Variants in CAMKMT observed in about 807,000 individuals in gnomAD.
CAMKMT encodes CaM KMT.
A neutral mutation model predicts 48.0 loss-of-function variants in CAMKMT; 53 were observed. The observed-to-expected ratio is 1.10, with a 90% CI of 0.89 to 1.39. CAMKMT has a LOEUF of 1.39. CAMKMT is among the 40% of genes most tolerant of loss of function. CAMKMT has a pLI of 0.00. For missense variants in CAMKMT, 428 were observed against 402.7 expected (o/e 1.06, Z -0.54); for synonymous variants, 165 against 152.3 (o/e 1.08, Z -0.61).
At chr2:44,667,533 T>G (rs899367051) in intron 3 of CAMKMT, among the ~76,000 whole-genome samples, 1 of 152,222 alleles carries the variant, frequency 6.6e-6, no homozygotes, top group African/African-American at 2.4e-5. Context: ...AGAACTTGGC[T>G]CACTATCTTC....
chr2:44,588,163 G>A (rs1482222142), intron 3 of CAMKMT, among the ~76,000 whole-genome samples: 1 of 134,318 alleles, frequency 7.4e-6, no homozygotes, highest in Admixed American at 7.5e-5. Flanking sequence ...GCCTCTGCCC[G>A]GCCGCCCCGT....
At chr2:44,548,702 A>G (rs971407234) in intron 3 of CAMKMT, among the ~76,000 whole-genome samples, 18 of 152,196 alleles carry the variant, frequency 1.2e-4, no homozygotes, top group African/African-American at 4.3e-4. Flanking sequence ...TGCTGGCTTG[A>G]AGATGGAGGC....
chr2:44,619,219 A>G lies in CAMKMT; in HGVS notation c.377-85064A>G, dbSNP rs60017699. On this transcript the variant is annotated intron_variant, in intron 3 of 10. Coordinates refer to ENST00000378494, the MANE Select transcript of CAMKMT (RefSeq NM_024766.5). ...ACTTATTTGAGGTATTGAAAACACC[A>G]TTACTCAAGTCTGCATTTGAACTTA... Among the ~76,000 whole-genome samples the G allele has an allele frequency of 9.5e-3, 1,440 of 152,322 alleles. 13 individuals carry two copies. Among genetic ancestry groups the G allele is most frequent in the African/African-American group, 0.027 (1,135 of 41,566 alleles).
intron 3 of CAMKMT, among the ~76,000 whole-genome samples, chr2:44,476,792 C>G (rs988448315): frequency 2.0e-5 from 3 of 152,208 alleles, no homozygotes; most frequent in Non-Finnish European, 4.4e-5. Context: ...CTTAGGCAAG[C>G]CATGTAATTT....
chr2:44,765,533 A>T lies in CAMKMT; in HGVS notation c.763-897A>T, dbSNP rs200931956. Reference sequence around the variant, plus strand: ...ATAGCCATCTTTATTTTTTTTTTTAAAAAAAAAAAAGGAGATTCTGAAGTT... The same window carrying T: ...ATAGCCATCTTTATTTTTTTTTTTATAAAAAAAAAAGGAGATTCTGAAGTT... On this transcript the variant is annotated intron_variant, in intron 9 of 10. Coordinates refer to ENST00000378494, the MANE Select transcript of CAMKMT (RefSeq NM_024766.5). 8.3e-3 allele frequency among the ~76,000 whole-genome samples: 876 copies of T among 105,172 alleles called. 6 individuals carry two copies. Among genetic ancestry groups the T allele is most frequent in the Middle Eastern group, 0.041 (8 of 196 alleles). 69.0% of individuals were successfully genotyped at this position (105,172 alleles called of 152,430 possible).
chr2:44,673,866 C>A (rs528848655), intron 3 of CAMKMT, among the ~76,000 whole-genome samples: 1 of 152,274 alleles, frequency 6.6e-6, no homozygotes, highest in African/African-American at 2.4e-5. Flanking sequence ...TGGGAACAAA[C>A]AGCCGAGCAT....
intron 9 of CAMKMT, among the ~76,000 whole-genome samples, chr2:44,762,427 G>C (rs1680655249): frequency 6.6e-6 from 1 of 152,214 alleles, no homozygotes; most frequent in African/African-American, 2.4e-5. Flanking sequence ...CTAAATGTGA[G>C]ACTAGTGCTT....
intron 3 of CAMKMT, among the ~76,000 whole-genome samples, chr2:44,445,635 C>A (rs1666936410): frequency 1.5e-5 from 2 of 131,792 alleles, no homozygotes; most frequent in South Asian, 2.5e-4. Flanking sequence ...AACATGTCGG[C>A]AAAAGGGTAG....
At chr2:44,550,551 G>A (rs908039993) in intron 3 of CAMKMT, 4 of 152,080 alleles carry the variant, frequency 2.6e-5, no homozygotes, top group African/African-American at 9.7e-5. Context: ...CTACTATAAA[G>A]TTATCACTAA....
At chr2:44,519,359 A>G (rs945441808) in intron 3 of CAMKMT, among the ~76,000 whole-genome samples, 2 of 152,200 alleles carry the variant, frequency 1.3e-5, no homozygotes, top group Non-Finnish European at 2.9e-5. Flanking sequence ...AGCATTATAT[A>G]TATCATTTAA....
At chr2:44,407,888 G>A (rs1327021607) in intron 3 of CAMKMT, among the ~76,000 whole-genome samples, 1 of 152,142 alleles carries the variant, frequency 6.6e-6, no homozygotes, top group Admixed American at 6.5e-5. Flanking sequence ...TTTACTAAAA[G>A]TTGGGGCTTC....
intron 3 of CAMKMT, among the ~76,000 whole-genome samples, chr2:44,402,084 T>C (rs904614763): frequency 2.0e-5 from 3 of 152,146 alleles, no homozygotes; most frequent in Non-Finnish European, 2.9e-5. Flanking sequence ...CCCAGGACTT[T>C]GGGAGGCCAA....
intron 8 of CAMKMT, among the ~76,000 whole-genome samples, chr2:44,746,253 A>G (rs757642848): frequency 2.0e-5 from 3 of 152,214 alleles, no homozygotes; most frequent in Non-Finnish European, 4.4e-5. Context: ...GATTCCCTGA[A>G]TAGCTAACCA....
At chr2:44,379,247 C>G (rs1026357411) in intron 2 of CAMKMT, among the ~76,000 whole-genome samples, 1 of 152,192 alleles carries the variant, frequency 6.6e-6, no homozygotes, top group Admixed American at 6.5e-5. Context: ...TACCACATAA[C>G]AGTACCTCAT....
intron 3 of CAMKMT, among the ~76,000 whole-genome samples, chr2:44,525,540 C>T (rs1469035010): frequency 6.6e-6 from 1 of 152,188 alleles, no homozygotes; most frequent in African/African-American, 2.4e-5. Context: ...AGGCGTGAGC[C>T]ACCATGCTGG....
chr2:44,455,819 T>A (rs536631321), intron 3 of CAMKMT, among the ~76,000 whole-genome samples: 6 of 152,344 alleles, frequency 3.9e-5, no homozygotes, highest in Non-Finnish European at 8.8e-5. Context: ...AATCTATTGT[T>A]GTTGTTTTAG....
At chr2:44,629,565 G>C (rs113287019) in intron 3 of CAMKMT, among the ~76,000 whole-genome samples, 1,967 of 150,694 alleles carry the variant, frequency 0.013, 16 homozygotes, top group Non-Finnish European at 0.018. Context: ...TGACCTCCCA[G>C]GTAGCGGGGA....
intron 7 of CAMKMT, among the ~76,000 whole-genome samples, chr2:44,722,354 A>G (rs550266915): frequency 1.4e-4 from 21 of 152,116 alleles, no homozygotes; most frequent in African/African-American, 5.1e-4. Context: ...TTTCTACCAA[A>G]AAGTATATGA....
At chr2:44,433,928 G>A (rs909554313) in intron 3 of CAMKMT, among the ~76,000 whole-genome samples, 3 of 152,158 alleles carry the variant, frequency 2.0e-5, no homozygotes, top group South Asian at 2.1e-4. Context: ...TCTGTGTGCC[G>A]TGGTTTGTAA....
Sources: gnomAD v4.1 joint callset for allele counts (sites outside exome capture counted in the v4.1 genomes callset) on GRCh38, gnomAD v4.1.1 for gene constraint, MANE v1.5 for transcripts, NCBI Gene and HGNC (gene_info 2026-07-23, HGNC 2026-07-21) for gene names.